The following YBEY variants were observed in gnomAD, a reference collection of about 807,000 sequenced individuals.
YBEY encodes the protein endoribonuclease YbeY.
A neutral mutation model predicts 13.5 loss-of-function variants in YBEY; 15 were observed. That is an observed-to-expected ratio of 1.11 (90% CI 0.75 to 1.72). The LOEUF is 1.72. YBEY is among the 40% of genes most tolerant of loss of function. The pLI is 0.00. For missense variants in YBEY, 244 were observed against 208.4 expected, an observed-to-expected ratio of 1.17 and a Z score of -1.05; for synonymous variants, 101 against 83.1, an observed-to-expected ratio of 1.21 and a Z score of -1.17.
chr21:46,310,799 GAC>G, the YBEY span, among the ~76,000 whole-genome samples: 1 of 151,564 alleles, frequency 6.6e-6, no homozygotes, highest in Non-Finnish European at 1.5e-5. Flanking sequence ...AACAAAGTAA[GAC>G]ACTCTCTCTC....
the YBEY span, among the ~76,000 whole-genome samples, chr21:46,305,327 C>CT: frequency 0.14 from 14,869 of 109,218 alleles, 1,510 homozygotes; most frequent in Non-Finnish European, 0.18. Flanking sequence ...ACAAATTAAT[C>CT]TTTTTTTTTT....
downstream of YBEY, chr21:46,300,854 AAG>A: frequency 8.6e-7 from 1 of 1,160,718 alleles, no homozygotes. Context: ...ACAACATTAA[AAG>A]AGCAAAGAAA....
chr21:46,286,713 C>T (rs1257327370), intron 1 of YBEY, 157 bp from the exon 2 acceptor site: 3 of 550,228 alleles, frequency 5.5e-6, no homozygotes, highest in South Asian at 4.6e-5. Flanking sequence ...CTTCCATAGA[C>T]CCTCGTTGTT....
the YBEY span, among the ~76,000 whole-genome samples, chr21:46,308,588 A>T: frequency 6.6e-6 from 1 of 152,218 alleles, no homozygotes; most frequent in Non-Finnish European, 1.5e-5. Context: ...GTTGGCCATA[A>T]GCGAAAACAA....
downstream of YBEY, among the ~76,000 whole-genome samples, chr21:46,298,446 T>TTTTTTTTTTTTTTTTTTTTTTTTTTTG (rs1375821400): frequency 7.2e-6 from 1 of 139,732 alleles, no homozygotes. Context: ...TTTTTTTTTT[T>TTTTTTTTTTTTTTTTTTTTTTTTTTTG]GAGACGGAGT....
intron 4 of YBEY, 146 bp from the exon 5 acceptor site, chr21:46,297,393 G>A (rs1320255687): frequency 2.0e-6 from 1 of 498,570 alleles, no homozygotes; most frequent in Non-Finnish European, 2.6e-6. Flanking sequence ...GCCCGGAGCC[G>A]GGTCCCGCCT....
the YBEY span, among the ~76,000 whole-genome samples, chr21:46,303,708 A>T: frequency 5.6e-3 from 208 of 37,156 alleles, 3 homozygotes; most frequent in East Asian, 0.055. Context: ...ACACACACAA[A>T]ATATATATAT....
At chr21:46,297,429 C>T (rs976913553) in intron 4 of YBEY, 110 bp from the exon 5 acceptor site, 7 of 1,074,654 alleles carry the variant, frequency 6.5e-6, no homozygotes, top group Middle Eastern at 3.4e-4. Context: ...GCCGCGCGGG[C>T]GGCCGGCTTC....
At position 46,289,441 on chromosome 21, in the gene YBEY, G is replaced by GTTTTTTTTTTT. The variant is rs773002446; in HGVS notation, c.211-1889_211-1888insTTTTTTTTTTT. ...TTCAGGGAGGTAAAGGAAGGCAAGGGTTTTGTTTTTTTTTTTTTTTTTGAG... is the reference window on the plus strand; with the variant it reads ...TTCAGGGAGGTAAAGGAAGGCAAGGGTTTTTTTTTTTTTTTGTTTTTTTTTTTTTTTTTGAG... On this transcript the variant is annotated intron_variant, in intron 2 of 4. Coordinates refer to ENST00000397701, the MANE Select transcript of YBEY (RefSeq NM_001314025.2). Among the ~76,000 whole-genome samples the GTTTTTTTTTTT allele has an allele frequency of 8.8e-5, 12 of 136,516 alleles. 3 individuals carry two copies. Among genetic ancestry groups the GTTTTTTTTTTT allele is most frequent in the Admixed American group, 1.6e-4 (2 of 12,368 alleles). 89.6% of individuals were successfully genotyped at this position (136,516 alleles called of 152,430 possible).
chr21:46,289,856 C>A (rs1471897861), intron 2 of YBEY, among the ~76,000 whole-genome samples: 1 of 151,708 alleles, frequency 6.6e-6, no homozygotes, highest in Non-Finnish European at 1.5e-5. Context: ...GTTAGACAGG[C>A]AGTTGCTGGG....
downstream of YBEY, chr21:46,302,169 C>A: frequency 6.8e-7 from 1 of 1,465,758 alleles, no homozygotes; most frequent in Non-Finnish European, 9.0e-7. Flanking sequence ...CACAGACGCA[C>A]CTGCTGCTTA....
downstream of YBEY, chr21:46,302,171 T>C: frequency 6.8e-7 from 1 of 1,464,954 alleles, no homozygotes; most frequent in Non-Finnish European, 9.0e-7. Flanking sequence ...CAGACGCACC[T>C]GCTGCTTAGG....
At chr21:46,301,789 G>C, downstream of YBEY, 1 of 1,239,420 alleles carries the variant, frequency 8.1e-7, no homozygotes, top group East Asian at 3.2e-5. Flanking sequence ...CAGGGGACCC[G>C]GAGCAAGGGA....
downstream of YBEY, among the ~76,000 whole-genome samples, chr21:46,299,083 G>C (rs2007371): frequency 1 from 143,906 of 143,986 alleles, 71,913 homozygotes; most frequent in Middle Eastern, 1. Flanking sequence ...TCTCCTGCCT[G>C]AGCCTCCCAG....
intron 2 of YBEY, among the ~76,000 whole-genome samples, chr21:46,288,311 T>C (rs991940045): frequency 6.6e-6 from 1 of 152,206 alleles, no homozygotes; most frequent in African/African-American, 2.4e-5. Flanking sequence ...AGCAATCCTT[T>C]GGGAAAGCAA....
downstream of YBEY, among the ~76,000 whole-genome samples, chr21:46,299,649 C>T (rs770625335): frequency 3.3e-5 from 5 of 152,130 alleles, no homozygotes; most frequent in Non-Finnish European, 7.4e-5. Flanking sequence ...GAGGCTCTGA[C>T]CCATGCATAT....
chr21:46,290,377 T>C (rs2081649884), intron 2 of YBEY, among the ~76,000 whole-genome samples: 1 of 152,076 alleles, frequency 6.6e-6, no homozygotes, highest in Non-Finnish European at 1.5e-5. Context: ...GGCTAATTTT[T>C]GTATTTTTAG....
chr21:46,288,843 C>T (rs537479491), intron 2 of YBEY, among the ~76,000 whole-genome samples: 1 of 152,048 alleles, frequency 6.6e-6, no homozygotes, highest in Non-Finnish European at 1.5e-5. Flanking sequence ...CATGGTCAAA[C>T]CTTGTTTCTA....
chr21:46,287,976 C>A (rs578257666), intron 2 of YBEY, among the ~76,000 whole-genome samples: 1 of 151,706 alleles, frequency 6.6e-6, no homozygotes, highest in African/African-American at 2.4e-5. Context: ...CACACCATTG[C>A]ACTCCAGCCT....
Sources: allele counts gnomAD v4.1 joint callset (sites outside exome capture counted in the v4.1 genomes callset), GRCh38; gene constraint gnomAD v4.1.1; transcripts MANE v1.5; gene names NCBI Gene and HGNC (gene_info 2026-07-23, HGNC 2026-07-21).